The following ARHGAP6 variants were observed in gnomAD, a reference collection of about 807,000 sequenced individuals.
ARHGAP6 encodes the protein Rho GTPase activating protein 6, also known as rho GTPase-activating protein 6.
A neutral mutation model predicts 55.7 loss-of-function variants in ARHGAP6; 16 were observed. The ratio of observed to expected loss-of-function variants is 0.29; its 90% CI spans 0.19 to 0.44. The LOEUF (loss-of-function observed/expected upper bound fraction) is 0.44, where lower values mean the gene tolerates loss of function less well. Among genes scored for constraint, ARHGAP6 ranks in the 20% least tolerant of loss-of-function variants. ARHGAP6 has a pLI of 1.00. For synonymous variants in ARHGAP6, 382 were observed against 360.9 expected (o/e 1.06, Z -0.66); for missense variants, 698 against 808.9 (o/e 0.86, Z 1.66).
At chrX:11,587,067 T>G (rs1194492457) in intron 1 of ARHGAP6, among the ~76,000 whole-genome samples, 1 of 111,640 alleles carries the variant, frequency 9.0e-6, no homozygotes, top group Non-Finnish European at 1.9e-5. Context: ...TTAAGGAGCT[T>G]TGAGGCTGGG....
chrX:11,553,302 T>C (rs1181263331), intron 1 of ARHGAP6, among the ~76,000 whole-genome samples: 3 of 109,774 alleles, frequency 2.7e-5, no homozygotes, highest in African/African-American at 1.0e-4. Flanking sequence ...AATGCAGTGC[T>C]GCAATCATGT....
At chrX:11,153,289 G>C (rs1260784366) in intron 10 of ARHGAP6, among the ~76,000 whole-genome samples, 10 of 110,079 alleles carry the variant, frequency 9.1e-5, no homozygotes, top group African/African-American at 3.3e-4. Context: ...TACTTTGGGA[G>C]GCTGAGGCGG....
chrX:11,394,310 A>G (rs2049450094), intron 1 of ARHGAP6, among the ~76,000 whole-genome samples: 1 of 111,969 alleles, frequency 8.9e-6, no homozygotes, highest in African/African-American at 3.2e-5. Flanking sequence ...GGTTCCATTC[A>G]TATGAAATGT....
intron 1 of ARHGAP6, among the ~76,000 whole-genome samples, chrX:11,560,187 G>A (rs970372171): frequency 9.0e-6 from 1 of 111,208 alleles, no homozygotes; most frequent in Admixed American, 9.5e-5. Context: ...GTCAGTAAAT[G>A]TTCATTATCA....
rs769107492 is a variant in ARHGAP6, at chrX:11,510,749, C to G, written c.588+153492G>C. ...AAGGCCTTCGAGCCAAATCCAGCTTCTATCAGCAAACCATTCAAGGATCTG... is the reference window on the plus strand; with the variant it reads ...AAGGCCTTCGAGCCAAATCCAGCTTGTATCAGCAAACCATTCAAGGATCTG... On this transcript the variant is annotated intron_variant, in intron 1 of 12. Transcript: ENST00000337414. Among the ~76,000 whole-genome samples, 21 of 111,702 alleles carry G rather than the reference C, an allele frequency of 1.9e-4. No individual in the cohort carries two copies. The South Asian group carries it at 5.2e-3, about 28-fold the overall frequency.
chrX:11,633,457 G>A (rs2052382477), intron 1 of ARHGAP6, among the ~76,000 whole-genome samples: 1 of 111,492 alleles, frequency 9.0e-6, no homozygotes, highest in Non-Finnish European at 1.9e-5. Flanking sequence ...GCCACTGGGA[G>A]ACCTCCTGTG....
At chrX:11,621,510 G>C (rs1037338975) in intron 1 of ARHGAP6, among the ~76,000 whole-genome samples, 6 of 111,391 alleles carry the variant, frequency 5.4e-5, no homozygotes, top group African/African-American at 2.0e-4. Flanking sequence ...AAATTCAAAA[G>C]ATAGGATAAA....
At chrX:11,429,276 T>C (rs981126321) in intron 1 of ARHGAP6, among the ~76,000 whole-genome samples, 1 of 112,437 alleles carries the variant, frequency 8.9e-6, no homozygotes, top group Admixed American at 9.3e-5. Flanking sequence ...TTAAGTGCAA[T>C]AGGCAAATGG....
chrX:11,539,735 T>C (rs890085106), intron 1 of ARHGAP6, among the ~76,000 whole-genome samples: 2 of 110,755 alleles, frequency 1.8e-5, no homozygotes, highest in African/African-American at 3.3e-5. Flanking sequence ...TTAGGAGGGG[T>C]TGGGAATAGA....
intron 1 of ARHGAP6, among the ~76,000 whole-genome samples, chrX:11,520,236 T>C (rs1284884856): frequency 1.1e-5 from 1 of 92,904 alleles, no homozygotes; most frequent in Non-Finnish European, 2.1e-5. Flanking sequence ...TATGTATACA[T>C]GTGCCATGTT....
At chrX:11,304,595 G>A (rs1409840947) in intron 1 of ARHGAP6, among the ~76,000 whole-genome samples, 5 of 109,048 alleles carry the variant, frequency 4.6e-5, no homozygotes, top group Non-Finnish European at 7.6e-5. Flanking sequence ...TCATGGGGGC[G>A]CTCCACTAAG....
At chrX:11,326,848 T>A (rs1328545244) in intron 1 of ARHGAP6, among the ~76,000 whole-genome samples, 2 of 112,214 alleles carry the variant, frequency 1.8e-5, no homozygotes, top group Admixed American at 1.9e-4. Context: ...AAAATTTTTC[T>A]TCAATGGCTT....
At chrX:11,190,866 C>T (rs766481084) in intron 3 of ARHGAP6, among the ~76,000 whole-genome samples, 8 of 112,046 alleles carry the variant, frequency 7.1e-5, no homozygotes, top group Non-Finnish European at 1.3e-4. Flanking sequence ...CCTCCTGTTT[C>T]AGGAGAAGAG....
chrX:11,525,141 G>A (rs2050976002), intron 1 of ARHGAP6, among the ~76,000 whole-genome samples: 1 of 111,742 alleles, frequency 8.9e-6, no homozygotes, highest in Non-Finnish European at 1.9e-5. Context: ...TCCATGACCA[G>A]AGGATTGGGG....
intron 1 of ARHGAP6, chrX:11,351,516 C>T (rs2048863592): frequency 5.4e-6 from 5 of 918,605 alleles, no homozygotes; most frequent in South Asian, 2.5e-5. Flanking sequence ...TGGATAGTGG[C>T]GTTGGAAGTG....
At chrX:11,322,233 G>T (rs964467551) in intron 1 of ARHGAP6, among the ~76,000 whole-genome samples, 2 of 111,871 alleles carry the variant, frequency 1.8e-5, no homozygotes, top group Admixed American at 1.9e-4. Flanking sequence ...TAAACTGTGG[G>T]ATGTTTAGCA....
chrX:11,271,173 T>C (rs1214546283), intron 1 of ARHGAP6, among the ~76,000 whole-genome samples: 1 of 111,771 alleles, frequency 8.9e-6, no homozygotes, highest in East Asian at 2.8e-4. Context: ...ATGGGTATAT[T>C]CACTGCTCAT....
At chrX:11,433,753 C>T (rs974708613) in intron 1 of ARHGAP6, among the ~76,000 whole-genome samples, 2 of 112,413 alleles carry the variant, frequency 1.8e-5, no homozygotes, top group African/African-American at 3.2e-5. Context: ...GCACCTACAT[C>T]ACAGGCTCAA....
At chrX:11,607,882 C>G (rs1382317042) in intron 1 of ARHGAP6, among the ~76,000 whole-genome samples, 1 of 112,399 alleles carries the variant, frequency 8.9e-6, no homozygotes, top group African/African-American at 3.2e-5. Context: ...ACATCTGATA[C>G]TACAGGCTTC....
Sources: allele counts gnomAD v4.1 joint callset (sites outside exome capture counted in the v4.1 genomes callset), GRCh38; gene constraint gnomAD v4.1.1; transcripts MANE v1.5; gene names NCBI Gene and HGNC (gene_info 2026-07-23, HGNC 2026-07-21).